The following FSTL5 variants were observed in gnomAD, a reference collection of about 807,000 sequenced individuals.
FSTL5 encodes the protein follistatin-related protein 5.
In FSTL5, 62 loss-of-function variants were observed where a neutral mutation model predicts 89.1. That is an observed-to-expected ratio of 0.70 (90% CI 0.57 to 0.86). The LOEUF is 0.86. Among genes scored for constraint, FSTL5 ranks in the 40% least tolerant of loss-of-function variants. The pLI, the probability that FSTL5 is intolerant of heterozygous loss-of-function variation, is 0.00. For synonymous variants in FSTL5, 383 were observed against 346.2 expected (o/e 1.11, Z -1.18); for missense variants, 1,057 against 1,001.6 (o/e 1.06, Z -0.75).
intron 2 of FSTL5, among the ~76,000 whole-genome samples, chr4:162,043,515 G>A (rs182070331): frequency 6.6e-6 from 1 of 152,244 alleles, no homozygotes; most frequent in Non-Finnish European, 1.5e-5. Context: ...CTTCAGTGTT[G>A]ATAGCTGTCA....
At chr4:161,697,967 G>T (rs537163751) in intron 6 of FSTL5, among the ~76,000 whole-genome samples, 3 of 152,188 alleles carry the variant, frequency 2.0e-5, no homozygotes, top group Admixed American at 2.0e-4. Context: ...GTATGTGTGT[G>T]TGTGTGTTAT....
Position 161,755,651 on chromosome 4 carries a change from G to T in FSTL5, c.727+3760C>A, listed in dbSNP as rs1445458040. Among the ~76,000 whole-genome samples, 5 of 152,124 alleles carry T rather than the reference G, an allele frequency of 3.3e-5. No individual in the cohort carries two copies. The East Asian group carries it at 7.7e-4, about 24-fold the overall frequency. On this transcript the variant is annotated intron_variant, in intron 6 of 15. Coordinates refer to ENST00000306100, the MANE Select transcript of FSTL5 (RefSeq NM_020116.5). Reference sequence around the variant, plus strand: ...AAGGCATCCTGGATGTGGAAAAATGGTTCCTTTTTAGTCTTAATACATCTG... The same window carrying T: ...AAGGCATCCTGGATGTGGAAAAATGTTTCCTTTTTAGTCTTAATACATCTG...
At chr4:161,979,512 T>TC (rs1380267324) in intron 3 of FSTL5, among the ~76,000 whole-genome samples, 1 of 151,982 alleles carries the variant, frequency 6.6e-6, no homozygotes, top group Non-Finnish European at 1.5e-5. Flanking sequence ...AAAATCTTCC[T>TC]CCCCCTTTCC....
chr4:161,604,242 A>T (rs1734357167), intron 7 of FSTL5, among the ~76,000 whole-genome samples: 2 of 152,170 alleles, frequency 1.3e-5, no homozygotes, highest in Admixed American at 1.3e-4. Context: ...TAAATACATT[A>T]TTATGCAAAA....
chr4:161,611,709 A>T (rs1175670187), intron 7 of FSTL5, among the ~76,000 whole-genome samples: 1 of 152,196 alleles, frequency 6.6e-6, no homozygotes, highest in Non-Finnish European at 1.5e-5. Flanking sequence ...GGTAGGAAAA[A>T]AATAGGGTAG....
intron 1 of FSTL5, among the ~76,000 whole-genome samples, chr4:162,150,189 GT>G (rs1407033613): frequency 6.6e-6 from 1 of 152,138 alleles, no homozygotes; most frequent in Admixed American, 6.5e-5. Context: ...TGGGCCTAAT[GT>G]TTTTAAAGGA....
Position 161,472,675 on chromosome 4 carries a change from G to A in FSTL5, c.1608+8345C>T, listed in dbSNP as rs146769778. Among the ~76,000 whole-genome samples the A allele has an allele frequency of 2.4e-4, 37 of 151,032 alleles. No individual in the cohort carries two copies. The East Asian group carries it at 6.8e-3, about 28-fold the overall frequency. On this transcript the variant is annotated intron_variant, in intron 13 of 15. Coordinates refer to ENST00000306100, the MANE Select transcript of FSTL5 (RefSeq NM_020116.5). Reference sequence around the variant, plus strand: ...AAAATTCCAATTTTACTTCTATTATGGATTTCTACTTCCACACCATTATGC... The same window carrying A: ...AAAATTCCAATTTTACTTCTATTATAGATTTCTACTTCCACACCATTATGC...
intron 4 of FSTL5, among the ~76,000 whole-genome samples, chr4:161,896,420 T>C (rs1733159674): frequency 6.6e-6 from 1 of 152,162 alleles, no homozygotes; most frequent in Non-Finnish European, 1.5e-5. Flanking sequence ...ATTAATACTT[T>C]AGATGAAAAT....
chr4:161,580,905 G>A (rs1733411272), intron 8 of FSTL5, among the ~76,000 whole-genome samples: 1 of 152,108 alleles, frequency 6.6e-6, no homozygotes, highest in Non-Finnish European at 1.5e-5. Context: ...GTTATCAAGG[G>A]ATATTCACCA....
intron 4 of FSTL5, among the ~76,000 whole-genome samples, chr4:161,843,068 G>C (rs1579134178): frequency 6.6e-6 from 1 of 152,116 alleles, no homozygotes; most frequent in Non-Finnish European, 1.5e-5. Context: ...TTGCTGAGCA[G>C]TATCATTTTT....
At chr4:161,938,005 A>G (rs1314346867) in intron 3 of FSTL5, among the ~76,000 whole-genome samples, 1 of 152,082 alleles carries the variant, frequency 6.6e-6, no homozygotes, top group African/African-American at 2.4e-5. Flanking sequence ...CTCATCTTAC[A>G]TGACTTCTCT....
Position 162,163,156 on chromosome 4 carries a change from A to T in FSTL5, c.-17+459T>A, listed in dbSNP as rs185441350. Among the ~76,000 whole-genome samples, 5 of 152,298 alleles carry T rather than the reference A, an allele frequency of 3.3e-5. No homozygotes were observed. In the East Asian group the frequency reaches 9.6e-4, roughly 29 times the overall value. On this transcript the variant is annotated intron_variant, in intron 1 of 15. Coordinates refer to ENST00000306100, the MANE Select transcript of FSTL5 (RefSeq NM_020116.5). ...ACTTTGAAGTCTATGCTTTAGATAT[A>T]GGAATAATATTGATGATTAACCAGA...
At chr4:161,719,962 C>A (rs1739135419) in intron 6 of FSTL5, among the ~76,000 whole-genome samples, 1 of 151,924 alleles carries the variant, frequency 6.6e-6, no homozygotes, top group Non-Finnish European at 1.5e-5. Context: ...TAGAAGAAAA[C>A]ATAGGAAAAA....
intron 1 of FSTL5, among the ~76,000 whole-genome samples, chr4:162,144,087 C>G: frequency 6.6e-6 from 1 of 152,082 alleles, no homozygotes; most frequent in African/African-American, 2.4e-5. Flanking sequence ...AGTTATAGCA[C>G]AGCAAACACA....
chr4:161,699,242 A>G (rs958552188), intron 6 of FSTL5, among the ~76,000 whole-genome samples: 2 of 152,162 alleles, frequency 1.3e-5, no homozygotes, highest in Non-Finnish European at 1.5e-5. Flanking sequence ...ATTTTTTAAA[A>G]CTTTTCATAT....
intron 3 of FSTL5, among the ~76,000 whole-genome samples, chr4:161,964,460 T>C (rs1010870581): frequency 6.6e-6 from 1 of 152,070 alleles, no homozygotes; most frequent in Non-Finnish European, 1.5e-5. Context: ...GGCTACATTA[T>C]GTTGAAGAAT....
chr4:161,636,282 TTTTGAG>T (rs1383667172), intron 7 of FSTL5, among the ~76,000 whole-genome samples: 1 of 152,094 alleles, frequency 6.6e-6, no homozygotes, highest in African/African-American at 2.4e-5. Context: ...TGTTTCTTTA[TTTTGAG>T]TTTGAGTCAA....
At chr4:161,741,613 T>A (rs965152861) in intron 6 of FSTL5, among the ~76,000 whole-genome samples, 1 of 151,486 alleles carries the variant, frequency 6.6e-6, no homozygotes, top group Non-Finnish European at 1.5e-5. Flanking sequence ...TCCAACCTAA[T>A]GAAGAATGAA....
At chr4:162,076,329 C>A (rs1729842938) in intron 2 of FSTL5, among the ~76,000 whole-genome samples, 1 of 151,886 alleles carries the variant, frequency 6.6e-6, no homozygotes, top group South Asian at 2.1e-4. Flanking sequence ...TTTTCCCAAA[C>A]TGTCTTGTCA....
Sources: gnomAD v4.1 joint callset for allele counts (sites outside exome capture counted in the v4.1 genomes callset) on GRCh38, gnomAD v4.1.1 for gene constraint, MANE v1.5 for transcripts, NCBI Gene and HGNC (gene_info 2026-07-23, HGNC 2026-07-21) for gene names.